The following WRN variants were observed in gnomAD, a reference collection of about 807,000 sequenced individuals.
WRN encodes the protein bifunctional 3'-5' exonuclease/ATP-dependent helicase WRN.
A neutral mutation model predicts 180.7 loss-of-function variants in WRN; 149 were observed. The observed-to-expected ratio is 0.82, with a 90% CI of 0.72 to 0.94. WRN has a LOEUF of 0.94. Ranked by LOEUF, WRN falls within the 40% of genes least tolerant of loss-of-function variation. The pLI is 0.00. For synonymous variants in WRN, 548 were observed against 568.9 expected (o/e 0.96, Z 0.52); for missense variants, 1,661 against 1,700.1 (o/e 0.98, Z 0.40).
At chr8:31,113,205 C>CA (rs11420804) in intron 19 of WRN, among the ~76,000 whole-genome samples, 52,368 of 112,032 alleles carry the variant, frequency 0.47, 10,585 homozygotes, top group East Asian at 0.64. Context: ...GGCCCCGTTT[C>CA]AAAAAAAAAA....
At chr8:31,101,656 A>G (rs903260400) in intron 18 of WRN, among the ~76,000 whole-genome samples, 3 of 151,714 alleles carry the variant, frequency 2.0e-5, no homozygotes, top group African/African-American at 4.8e-5. Flanking sequence ...GCGTGGTGGC[A>G]GGTGCCTGTA....
chr8:31,101,988 A>C (rs1159277405), intron 18 of WRN, among the ~76,000 whole-genome samples: 1 of 152,040 alleles, frequency 6.6e-6, no homozygotes, highest in Non-Finnish European at 1.5e-5. Context: ...TTTCCTGAAC[A>C]GTAACATCTT....
At chr8:31,087,578 C>T in intron 11 of WRN, 198 bp from the exon 12 acceptor site, 2 of 535,510 alleles carry the variant, frequency 3.7e-6, no homozygotes, top group Non-Finnish European at 6.7e-6. Flanking sequence ...AATGTTCCAT[C>T]TTTGGCCTTG....
chr8:31,149,118 C>T (rs570711570), intron 30 of WRN, among the ~76,000 whole-genome samples: 21 of 152,238 alleles, frequency 1.4e-4, no homozygotes, highest in South Asian at 4.1e-4. Flanking sequence ...ATATTCTGGC[C>T]GGGCGCTGTG....
rs1203710521 is a variant in WRN, at chr8:31,167,182, C to A, written c.4143C>A (p.Ile1381=). The change falls in exon 34 of 35, where the codon ATC becomes ATA. Residue 1381 remains isoleucine, a synonymous_variant. Transcript: ENST00000298139. ...KRRCFPGSEE[I]CSSSKRSKEE... The stretch of plus-strand genomic sequence containing the variant: ...GATGTTTTCCCGGTTCTGAAGAGAT[C>A]TGTTCAAGTTCTAAGAGAAGCAAGG... The A allele has an allele frequency of 1.2e-6, 2 of 1,613,136 alleles. No individual in the cohort carries two copies. The highest frequency in any genetic ancestry group is 1.7e-6 in the Non-Finnish European group (2 of 1,179,448).
intron 21 of WRN, among the ~76,000 whole-genome samples, 184 bp from the exon 22 acceptor site, chr8:31,124,335 CTTG>C: frequency 6.6e-6 from 1 of 151,594 alleles, no homozygotes; most frequent in East Asian, 1.9e-4. Context: ...ATGTTTACCT[CTTG>C]TTGGGGGCAT....
chr8:31,160,900 C>T (rs1455651122), intron 33 of WRN, among the ~76,000 whole-genome samples: 1 of 151,818 alleles, frequency 6.6e-6, no homozygotes, highest in African/African-American at 2.4e-5. Context: ...AGGAGAATTG[C>T]TTGAACCCCC....
intron 18 of WRN, among the ~76,000 whole-genome samples, chr8:31,103,280 G>T (rs1242049775): frequency 6.6e-6 from 1 of 152,150 alleles, no homozygotes; most frequent in Non-Finnish European, 1.5e-5. Context: ...TAATGGAAAA[G>T]GGTATAGGTA....
At chr8:31,049,767 C>T (rs896573804) in intron 1 of WRN, among the ~76,000 whole-genome samples, 1 of 151,934 alleles carries the variant, frequency 6.6e-6, no homozygotes, top group Non-Finnish European at 1.5e-5. Flanking sequence ...TAAGGGGATC[C>T]CAGTATACTA....
At chr8:31,073,779 G>C (rs1037915344) in intron 7 of WRN, among the ~76,000 whole-genome samples, 2 of 152,178 alleles carry the variant, frequency 1.3e-5, no homozygotes, top group African/African-American at 4.8e-5. Context: ...GAGGTGTTTA[G>C]TTCTGAAGCC....
chr8:31,132,428 A>G lies in WRN; in HGVS notation c.2889A>G (p.Ala963=). ...EDTSWDFGPQ[A]FKLLSAVDIL... ...CATCCTGGGACTTTGGTCCACAAGC[A>G]TTTAAGCTTTTGTCTGCTGTGGACA... The change falls in exon 24 of 35, where the codon GCA becomes GCG. Residue 963 remains alanine, a synonymous_variant. Coordinates refer to ENST00000298139, the MANE Select transcript of WRN (RefSeq NM_000553.6). The G allele has an allele frequency of 6.2e-7, 1 of 1,614,178 alleles. No homozygotes were observed. The highest frequency in any genetic ancestry group is 8.5e-7 in the Non-Finnish European group (1 of 1,180,022).
intron 23 of WRN, among the ~76,000 whole-genome samples, chr8:31,129,857 C>G (rs1048257800): frequency 6.6e-6 from 1 of 151,504 alleles, no homozygotes; most frequent in African/African-American, 2.4e-5. Context: ...ATACAAAAAT[C>G]AGCTGGGCGT....
chr8:31,115,598 A>G (rs1337168131), intron 19 of WRN, among the ~76,000 whole-genome samples: 2 of 152,214 alleles, frequency 1.3e-5, no homozygotes, highest in South Asian at 2.1e-4. Context: ...CAAAAGTTAT[A>G]TGCACTTGAA....
At chr8:31,139,900 G>C (rs1802542075) in intron 24 of WRN, among the ~76,000 whole-genome samples, 4 of 151,398 alleles carry the variant, frequency 2.6e-5, no homozygotes, top group Admixed American at 2.0e-4. Context: ...ATTCATAGTG[G>C]ATGGAAGTTA....
At chr8:31,116,181 C>T (rs531473224) in intron 19 of WRN, among the ~76,000 whole-genome samples, 173 bp from the exon 20 acceptor site, 1 of 152,200 alleles carries the variant, frequency 6.6e-6, no homozygotes, top group South Asian at 2.1e-4. Context: ...TTTGATTCTC[C>T]ATAATGTTTT....
At chr8:31,104,003 G>T (rs1800987962) in intron 18 of WRN, among the ~76,000 whole-genome samples, 3 of 152,104 alleles carry the variant, frequency 2.0e-5, no homozygotes, top group South Asian at 2.1e-4. Context: ...CAAAGTGCTG[G>T]GATTACAGGC....
chr8:31,172,776 G>A (rs893984024), intron 34 of WRN, among the ~76,000 whole-genome samples: 19 of 152,320 alleles, frequency 1.2e-4, no homozygotes, highest in African/African-American at 4.3e-4. Flanking sequence ...TACATGATGA[G>A]ATGGCAAGTA....
chr8:31,075,486 C>T (rs930625005), intron 7 of WRN, among the ~76,000 whole-genome samples: 2 of 151,414 alleles, frequency 1.3e-5, no homozygotes, highest in Admixed American at 6.6e-5. Flanking sequence ...CCAAGGTGGG[C>T]GGATCCCTTA....
In WRN at chr8:31,033,967, TCTC is replaced by T. The variant is rs999967460; in HGVS notation, c.-82_-80del. On this transcript the variant is annotated 5_prime_UTR_variant, in exon 1 of 35. Transcript: ENST00000298139. ...GAAGAAGACCTGTTGGACTGGATCTTCTCGGGGTAAAGTGTCTTCCTATTCCCG... is the reference window on the plus strand; with the variant it reads ...GAAGAAGACCTGTTGGACTGGATCTTGGGGTAAAGTGTCTTCCTATTCCCG... 1 of 152,326 alleles carries T rather than the reference TCTC, an allele frequency of 6.6e-6. No homozygotes were observed. Among genetic ancestry groups the T allele is most frequent in the Non-Finnish European group, 1.5e-5 (1 of 68,146 alleles). 9.4% of individuals were successfully genotyped at this position (152,326 alleles called of 1,614,324 possible).
Sources: gnomAD v4.1 joint callset for allele counts (sites outside exome capture counted in the v4.1 genomes callset) on GRCh38, gnomAD v4.1.1 for gene constraint, MANE v1.5 for transcripts, NCBI Gene and HGNC (gene_info 2026-07-23, HGNC 2026-07-21) for gene names.